HNRNPH1: variants seen among roughly 807,000 people sequenced by gnomAD.
HNRNPH1 encodes heterogeneous nuclear ribonucleoprotein H.
In HNRNPH1, 4 loss-of-function variants were observed where a neutral mutation model predicts 58.6. The observed-to-expected ratio is 0.07, with a 90% CI of 0.03 to 0.16. HNRNPH1 has a LOEUF of 0.16. HNRNPH1 is among the 10% of genes least tolerant of loss of function. HNRNPH1 has a pLI of 1.00. For synonymous variants in HNRNPH1, 192 were observed against 189.2 expected (o/e 1.01, Z -0.12); for missense variants, 271 against 564.2 (o/e 0.48, Z 5.26).
At chr5:179,622,073 G>A in intron 1 of HNRNPH1, 5 of 446,798 alleles carry the variant, frequency 1.1e-5, no homozygotes, top group East Asian at 7.0e-5. Flanking sequence ...CTTTTTCCCA[G>A]TCTAATAATA....
At chr5:179,615,842 A>G in intron 11 of HNRNPH1, 1 of 521,998 alleles carries the variant, frequency 1.9e-6, no homozygotes, top group Non-Finnish European at 3.4e-6. Context: ...TTCTGGCTCG[A>G]CAGTATTCCA....
intron 12 of HNRNPH1, 109 bp from the exon 14 acceptor site, chr5:179,615,068 T>C (rs1768849273): frequency 1.1e-5 from 8 of 716,116 alleles, no homozygotes; most frequent in African/African-American, 1.7e-5. Flanking sequence ...AAATGGCTGC[T>C]GTCCAAGTGG....
intron 2 of HNRNPH1, among the ~76,000 whole-genome samples, chr5:179,631,253 G>A (rs1193178798): frequency 6.6e-6 from 1 of 152,046 alleles, no homozygotes; most frequent in African/African-American, 2.4e-5. Context: ...TCATGTGGTG[G>A]GAAACTAGGA....
chr5:179,617,150 GAAACA>G (rs1257761308), intron 8 of HNRNPH1, 40 bp from the exon 10 acceptor site: 3 of 1,574,558 alleles, frequency 1.9e-6, no homozygotes, highest in Non-Finnish European at 2.6e-6. Flanking sequence ...GTTTGTTGGT[GAAACA>G]AAACAGAATA....
At chr5:179,617,131 T>C in intron 8 of HNRNPH1, 21 bp from the exon 10 acceptor site, 2 of 1,603,812 alleles carry the variant, frequency 1.2e-6, no homozygotes, top group South Asian at 1.1e-5. Context: ...AAAAAAAAAG[T>C]TTGAAAATGT....
upstream of HNRNPH1, chr5:179,624,794 G>C: frequency 2.6e-6 from 1 of 389,862 alleles, no homozygotes; most frequent in Non-Finnish European, 4.5e-6. Context: ...GCTGGACCCT[G>C]CCGCAGAGCT....
At chr5:179,616,803 C>T (rs189922048) in intron 10 of HNRNPH1, 66 bp downstream of exon 11, 1,305 of 1,311,298 alleles carry the variant, frequency 1.0e-3, no homozygotes, top group Non-Finnish European at 1.4e-3. Context: ...AATAGATTAA[C>T]TTAACTTATA....
chr5:179,632,064 T>C (rs1035650583), intron 2 of HNRNPH1, among the ~76,000 whole-genome samples: 5 of 150,166 alleles, frequency 3.3e-5, no homozygotes, highest in Non-Finnish European at 7.4e-5. Flanking sequence ...CCCAGCACTT[T>C]GGGAGGCCGA....
upstream of HNRNPH1, among the ~76,000 whole-genome samples, chr5:179,625,955 A>ATTTTTTTTTTTT (rs1010509687): frequency 2.0e-5 from 3 of 149,762 alleles, no homozygotes; most frequent in African/African-American, 5.0e-5. Flanking sequence ...TTATTTATTT[A>ATTTTTTTTTTTT]TTTATTTATT....
upstream of HNRNPH1, among the ~76,000 whole-genome samples, chr5:179,626,037 C>G (rs1006072316): frequency 3.3e-5 from 5 of 151,992 alleles, no homozygotes; most frequent in Non-Finnish European, 7.4e-5. Context: ...AATCATTCCA[C>G]CTCAGCCTCG....
intron 4 of HNRNPH1, chr5:179,619,048 G>A (rs1300432985): frequency 7.5e-6 from 3 of 397,620 alleles, no homozygotes; most frequent in African/African-American, 6.2e-5. Flanking sequence ...GGGTTAATAA[G>A]ACTCACAAAA....
intron 1 of HNRNPH1, among the ~76,000 whole-genome samples, chr5:179,622,297 C>A (rs768522004): frequency 6.6e-6 from 1 of 152,182 alleles, no homozygotes; most frequent in Non-Finnish European, 1.5e-5. Flanking sequence ...AACACCAAAA[C>A]TGGAAACAAG....
upstream of HNRNPH1, among the ~76,000 whole-genome samples, chr5:179,627,514 T>C (rs990512841): frequency 2.0e-5 from 3 of 152,010 alleles, no homozygotes; most frequent in Admixed American, 2.0e-4. Context: ...TGCCTTTTTT[T>C]TTTTTAAGAC....
exon 1 of HNRNPH1, chr5:179,624,215 G>A (rs114666815): frequency 0.014 from 4,405 of 316,836 alleles, 43 homozygotes; most frequent in East Asian, 0.024. Flanking sequence ...GCAGATTGTC[G>A]AACGTCCTGG....
At chr5:179,627,491 C>T (rs942545102), upstream of HNRNPH1, among the ~76,000 whole-genome samples, 6 of 89,968 alleles carry the variant, frequency 6.7e-5, no homozygotes, top group Non-Finnish European at 1.4e-4. Context: ...CCATGATGCT[C>T]GGCCCTGATT....
upstream of HNRNPH1, among the ~76,000 whole-genome samples, chr5:179,625,310 A>G (rs1774272552): frequency 6.6e-6 from 1 of 151,106 alleles, no homozygotes; most frequent in Non-Finnish European, 1.5e-5. Flanking sequence ...AGCTTGGCCA[A>G]CATGGTGAAA....
At chr5:179,625,488 A>AC (rs1491222999), upstream of HNRNPH1, among the ~76,000 whole-genome samples, 1 of 73,868 alleles carries the variant, frequency 1.4e-5, no homozygotes, top group Non-Finnish European at 2.6e-5. Flanking sequence ...ACTCCCTCTC[A>AC]AAAAAAAAAA....
chr5:179,633,911 C>A (rs987609391), intron 2 of HNRNPH1: 2 of 80,982 alleles, frequency 2.5e-5, no homozygotes, highest in Non-Finnish European at 5.4e-5. Flanking sequence ...GAGCGAGACT[C>A]CGTCTCTAAA....
At chr5:179,632,763 T>TC (rs1219016712) in intron 2 of HNRNPH1, among the ~76,000 whole-genome samples, 1 of 148,270 alleles carries the variant, frequency 6.7e-6, no homozygotes, top group Non-Finnish European at 1.5e-5. Context: ...CTTTTTTTTT[T>TC]TTTTTTTTTT....
Sources: allele counts gnomAD v4.1 joint callset (sites outside exome capture counted in the v4.1 genomes callset), GRCh38; gene constraint gnomAD v4.1.1; transcripts MANE v1.5; gene names NCBI Gene and HGNC (gene_info 2026-07-23, HGNC 2026-07-21).